TTC7B: variants seen among roughly 807,000 people sequenced by gnomAD.
TTC7B encodes the protein tetratricopeptide repeat protein 7B.
Under a neutral mutation model 106.8 loss-of-function variants are expected in TTC7B, and 28 were observed. The observed-to-expected ratio is 0.26, with a 90% CI of 0.19 to 0.36. The LOEUF (loss-of-function observed/expected upper bound fraction) is 0.36, where lower values mean the gene tolerates loss of function less well. Among genes scored for constraint, TTC7B ranks in the 10% least tolerant of loss-of-function variants. The pLI is 1.00. For synonymous variants in TTC7B, 405 were observed against 430.6 expected (o/e 0.94, Z 0.74); for missense variants, 862 against 1,076.4 (o/e 0.80, Z 2.79).
intron 19 of TTC7B, among the ~76,000 whole-genome samples, chr14:90,573,686 C>G (rs1389270378): frequency 6.6e-6 from 1 of 152,196 alleles, no homozygotes; most frequent in Non-Finnish European, 1.5e-5. Context: ...GGCCCACAGG[C>G]CTCTTCAAAG....
At chr14:90,772,651 T>C (rs1890902469) in intron 3 of TTC7B, 1 of 152,336 alleles carries the variant, frequency 6.6e-6, no homozygotes, top group Non-Finnish European at 1.5e-5. Flanking sequence ...CTGAATTTTA[T>C]ATAAAACACA....
At chr14:90,798,739 A>G (rs2030051532) in intron 1 of TTC7B, among the ~76,000 whole-genome samples, 2 of 151,090 alleles carry the variant, frequency 1.3e-5, no homozygotes, top group Non-Finnish European at 3.0e-5. Flanking sequence ...AAAACACGCA[A>G]TAACATGTTT....
Position 90,742,969 on chromosome 14 carries a change from G to A in TTC7B, c.576+1823C>T, listed in dbSNP as rs117583251. ...GGCCCTAAGTGGCCAGGGCTGTGTAGTCAGCTGGAACAACTCAGATGGGAT... is the reference window on the plus strand; with the variant it reads ...GGCCCTAAGTGGCCAGGGCTGTGTAATCAGCTGGAACAACTCAGATGGGAT... On this transcript the variant is annotated intron_variant, in intron 4 of 19. Transcript: ENST00000328459. This position sits in a 1 kb window ranked among gnomAD's most constrained non-coding sequence, Gnocchi z 4.1. Among the ~76,000 whole-genome samples the A allele has an allele frequency of 1.3e-3, 194 of 152,358 alleles. No individual in the cohort carries two copies. Among genetic ancestry groups the A allele is most frequent in the Non-Finnish European group, 2.5e-3 (167 of 68,038 alleles).
In TTC7B at chr14:90,657,482, G is replaced by C; in HGVS notation, c.1237-204C>G. ...GGGGAGTACACTGGGTTAAAAGCCA[G>C]CAGGAATGCTTCTCTGGCGCCACCT... is the stretch of plus-strand genomic sequence containing the variant. On this transcript the variant is annotated intron_variant, in intron 10 of 19. Coordinates refer to ENST00000328459, the MANE Select transcript of TTC7B (RefSeq NM_001010854.2). The surrounding 1 kb of genome is among the most constrained non-coding windows in gnomAD (Gnocchi z 4.2). The C allele has an allele frequency of 2.1e-6, 1 of 477,266 alleles. No individual in the cohort carries two copies. The highest frequency in any genetic ancestry group is 3.7e-6 in the Non-Finnish European group (1 of 268,346). 29.6% of individuals were successfully genotyped at this position (477,266 alleles called of 1,614,324 possible). A position where few individuals can be genotyped will look rare whatever the true frequency, so the allele number is the denominator to read the frequency against.
At chr14:90,631,994 T>C (rs1884724760) in intron 15 of TTC7B, among the ~76,000 whole-genome samples, 1 of 152,076 alleles carries the variant, frequency 6.6e-6, no homozygotes, top group East Asian at 1.9e-4. Context: ...TTTGTTAGGG[T>C]TGTGGAAAGT....
At chr14:90,688,939 G>A (rs900005092) in intron 7 of TTC7B, among the ~76,000 whole-genome samples, 3 of 152,214 alleles carry the variant, frequency 2.0e-5, no homozygotes, top group African/African-American at 7.2e-5. Flanking sequence ...TCCCTCCTCT[G>A]TCTGGCTTCC....
At chr14:90,580,250 C>T (rs548203769) in intron 18 of TTC7B, among the ~76,000 whole-genome samples, 47 of 152,360 alleles carry the variant, frequency 3.1e-4, no homozygotes, top group African/African-American at 1.0e-3. Context: ...AGGTAACTAA[C>T]AACAGCAGTA....
chr14:90,789,674 A>T (rs564234423), intron 1 of TTC7B, among the ~76,000 whole-genome samples: 1 of 152,100 alleles, frequency 6.6e-6, no homozygotes, highest in Admixed American at 6.6e-5. Context: ...GGGCAGGTGG[A>T]TCATGAGGTC....
Position 90,577,961 on chromosome 14 carries a change from G to C in TTC7B, c.2310+145C>G. ...AACTATGGTAGAAACGGTGCCCTCT[G>C]GCTTCAGGCCATGTGACAGCCTGGC... On this transcript the variant is annotated intron_variant, in intron 19 of 19. Transcript: ENST00000328459. The surrounding 1 kb of genome is among the most constrained non-coding windows in gnomAD (Gnocchi z 5.0). 1.9e-6 allele frequency: 2 copies of C among 1,028,894 alleles called. No homozygotes were observed. Among genetic ancestry groups the C allele is most frequent in the Admixed American group, 4.4e-5 (2 of 45,756 alleles). The allele number at this position is 1,028,894 out of a possible 1,614,324, so 63.7% of individuals were successfully genotyped here.
chr14:90,601,010 T>C (rs1892401593), intron 17 of TTC7B, among the ~76,000 whole-genome samples: 1 of 152,160 alleles, frequency 6.6e-6, no homozygotes, highest in Admixed American at 6.5e-5. Context: ...TGGGATGATA[T>C]TCTAATGCTG....
chr14:90,525,360 A>C lies in TTC7B; in HGVS notation c.*16008T>G, dbSNP rs997130714. 1 of 152,210 alleles carries C rather than the reference A, an allele frequency of 6.6e-6. No individual in the cohort carries two copies. The highest frequency in any genetic ancestry group is 1.5e-5 in the Non-Finnish European group (1 of 68,036). 9.4% of individuals were successfully genotyped at this position (152,210 alleles called of 1,614,324 possible). On this transcript the variant is annotated 3_prime_UTR_variant, in exon 20 of 20. Transcript: ENST00000328459. ...GGATTGTGATCAGTTTTTGGCTATT[A>C]CAAATAAAGCTGCTATAAACATTTG...
intron 17 of TTC7B, among the ~76,000 whole-genome samples, chr14:90,605,180 C>A (rs1334583615): frequency 6.6e-6 from 1 of 152,204 alleles, no homozygotes; most frequent in East Asian, 1.9e-4. Context: ...TGGCCCTGAT[C>A]TGTAGAATAC....
In TTC7B at chr14:90,541,443, C is replaced by G; in HGVS notation, c.2457G>C (p.Glu819Asp). ...CCAGCTCCAAGGCTGTCAGGAAGCACTCCGTAGCCGCCGCATCGTTGCCCT... is the reference window on the plus strand; with the variant it reads ...CCAGCTCCAAGGCTGTCAGGAAGCAGTCCGTAGCCGCCGCATCGTTGCCCT... ...QAQGNDAAAT[E>D]CFLTALELEA... Residue 819 changes from glutamate to aspartate, a missense_variant, in exon 20 of 20, where the codon GAG (glutamate) becomes GAC (aspartate). Coordinates refer to ENST00000328459, the MANE Select transcript of TTC7B (RefSeq NM_001010854.2). 6.2e-7 allele frequency: 1 copy of G among 1,613,538 alleles called. No individual in the cohort carries two copies. Among genetic ancestry groups the G allele is most frequent in the Non-Finnish European group, 8.5e-7 (1 of 1,179,860 alleles).
chr14:90,698,231 A>C (rs1287647448), intron 5 of TTC7B: 1 of 152,234 alleles, frequency 6.6e-6, no homozygotes, highest in Non-Finnish European at 1.5e-5. Context: ...AAAATGTTCA[A>C]GTACACGGAT....
chr14:90,715,792 C>A (rs1449499835), intron 5 of TTC7B, among the ~76,000 whole-genome samples: 3 of 152,168 alleles, frequency 2.0e-5, no homozygotes, highest in Non-Finnish European at 4.4e-5. Context: ...CCACCCACTT[C>A]TCCCAAGACC....
At chr14:90,563,561 G>A (rs1890673562) in intron 19 of TTC7B, among the ~76,000 whole-genome samples, 1 of 152,188 alleles carries the variant, frequency 6.6e-6, no homozygotes, top group Non-Finnish European at 1.5e-5. Context: ...GATGCTGGAA[G>A]GTGAGGCCCT....
At chr14:90,654,934 G>A (rs1885882947) in intron 12 of TTC7B, 59 bp downstream of exon 12, 4 of 1,319,030 alleles carry the variant, frequency 3.0e-6, no homozygotes, top group Non-Finnish European at 4.4e-6. Flanking sequence ...ATCCCGCAGG[G>A]TAGACTTAGG....
chr14:90,630,356 C>T (rs34902776), intron 15 of TTC7B, among the ~76,000 whole-genome samples: 55,290 of 151,944 alleles, frequency 0.36, 10,720 homozygotes, highest in East Asian at 0.63. Context: ...ACATTGGCTC[C>T]GTGATGCAGA....
chr14:90,688,036 T>C (rs1317348881), intron 7 of TTC7B, among the ~76,000 whole-genome samples: 2 of 152,226 alleles, frequency 1.3e-5, no homozygotes, highest in East Asian at 1.9e-4. Flanking sequence ...AGTCACGCCA[T>C]CTCTATTAGT....
Sources: allele counts gnomAD v4.1 joint callset (sites outside exome capture counted in the v4.1 genomes callset), GRCh38; gene constraint gnomAD v4.1.1; non-coding constraint Gnocchi (gnomAD v3.1); transcripts MANE v1.5; gene names NCBI Gene and HGNC (gene_info 2026-07-23, HGNC 2026-07-21).